Variants in CNTNAP2 observed in about 807,000 individuals in gnomAD.
CNTNAP2 encodes contactin-associated protein-like 2.
In CNTNAP2, 98 loss-of-function variants were observed where a neutral mutation model predicts 155.2. The ratio of observed to expected loss-of-function variants is 0.63; its 90% CI spans 0.54 to 0.75. The LOEUF (loss-of-function observed/expected upper bound fraction) is 0.75, where lower values mean the gene tolerates loss of function less well. Ranked by LOEUF, CNTNAP2 falls within the 30% of genes least tolerant of loss-of-function variation. The pLI is 0.00. For synonymous variants in CNTNAP2, 651 were observed against 631.2 expected, an observed-to-expected ratio of 1.03 and a Z score of -0.47; for missense variants, 1,727 against 1,688.1, an observed-to-expected ratio of 1.02 and a Z score of -0.40.
In CNTNAP2 at chr7:148,397,251, G is replaced by A. The variant is rs573979028; in HGVS notation, c.3716-12140G>A. On this transcript the variant is annotated intron_variant, in intron 22 of 23. Coordinates refer to ENST00000361727, the MANE Select transcript of CNTNAP2 (RefSeq NM_014141.6). ...CCTGGCTGCACATCAGTCACCTGGG[G>A]AGCTTTTCACAAATCCCAATGCCTG... 5.9e-5 allele frequency among the ~76,000 whole-genome samples: 9 copies of A among 152,334 alleles called. No individual in the cohort carries two copies. The South Asian group carries it at 1.9e-3, about 32-fold the overall frequency.
intron 13 of CNTNAP2, among the ~76,000 whole-genome samples, chr7:147,878,834 C>T (rs1346459359): frequency 4.6e-5 from 7 of 152,196 alleles, no homozygotes; most frequent in East Asian, 1.9e-4. Flanking sequence ...CAAACTGAAG[C>T]TTCTGGGCTC....
chr7:146,469,380 T>TA (rs571664470), intron 1 of CNTNAP2, among the ~76,000 whole-genome samples: 361 of 145,418 alleles, frequency 2.5e-3, no homozygotes, highest in African/African-American at 6.0e-3. Context: ...TTGGAAGCAT[T>TA]AAAAAAAAAA....
intron 11 of CNTNAP2, among the ~76,000 whole-genome samples, chr7:147,560,168 CAA>C (rs71183016): frequency 0.013 from 701 of 52,808 alleles, 15 homozygotes; most frequent in African/African-American, 0.044. Flanking sequence ...AACTCCGTCT[CAA>C]AAAAAAAAAA....
At chr7:147,347,500 ATGTGTG>A (rs1407391848) in intron 9 of CNTNAP2, among the ~76,000 whole-genome samples, 4 of 121,370 alleles carry the variant, frequency 3.3e-5, no homozygotes, top group African/African-American at 5.4e-5. Flanking sequence ...ATGCATATAT[ATGTGTG>A]TGTGTGTGTA....
chr7:147,382,432 A>T (rs1222352654), intron 9 of CNTNAP2, among the ~76,000 whole-genome samples: 1 of 152,210 alleles, frequency 6.6e-6, no homozygotes, highest in African/African-American at 2.4e-5. Context: ...AAGTGCCAGG[A>T]TCAACTCTTG....
At chr7:148,329,933 CCCGTCTGG>C (rs1797956301) in intron 21 of CNTNAP2, among the ~76,000 whole-genome samples, 1 of 152,226 alleles carries the variant, frequency 6.6e-6, no homozygotes, top group Non-Finnish European at 1.5e-5. Flanking sequence ...GGCCCTTACC[CCCGTCTGG>C]CCTGTTGGGC....
chr7:148,032,779 G>A (rs1339688125), intron 15 of CNTNAP2, among the ~76,000 whole-genome samples: 2 of 152,174 alleles, frequency 1.3e-5, no homozygotes, highest in Non-Finnish European at 2.9e-5. Flanking sequence ...CTGCTTGCCA[G>A]TTTTAGGGGT....
chr7:147,126,313 A>G (rs1338676089), intron 6 of CNTNAP2, among the ~76,000 whole-genome samples: 1 of 152,218 alleles, frequency 6.6e-6, no homozygotes, highest in African/African-American at 2.4e-5. Context: ...AGGCAAGGTT[A>G]TTGGATGGCA....
intron 1 of CNTNAP2, among the ~76,000 whole-genome samples, chr7:146,352,183 A>G (rs765961931): frequency 1.8e-4 from 27 of 152,328 alleles, no homozygotes; most frequent in Non-Finnish European, 3.2e-4. Context: ...GTTGTACACT[A>G]TTCATCTTGT....
chr7:147,826,787 C>G (rs1023465466), intron 13 of CNTNAP2, among the ~76,000 whole-genome samples: 7 of 152,090 alleles, frequency 4.6e-5, no homozygotes, highest in African/African-American at 1.7e-4. Flanking sequence ...CTAATAGTCA[C>G]AGGACAAAAG....
chr7:146,729,706 A>G (rs1801491513), intron 1 of CNTNAP2, among the ~76,000 whole-genome samples: 1 of 152,064 alleles, frequency 6.6e-6, no homozygotes, highest in Non-Finnish European at 1.5e-5. Context: ...CCATTATACC[A>G]GTTTGGTTGT....
chr7:148,145,544 C>G (rs148684976), intron 16 of CNTNAP2, among the ~76,000 whole-genome samples: 67 of 152,254 alleles, frequency 4.4e-4, no homozygotes, highest in Non-Finnish European at 7.5e-4. Flanking sequence ...GCAGTTGATG[C>G]CTTTAAAATG....
intron 1 of CNTNAP2, among the ~76,000 whole-genome samples, chr7:146,378,160 G>A (rs1795330690): frequency 6.6e-6 from 1 of 152,102 alleles, no homozygotes; most frequent in African/African-American, 2.4e-5. Flanking sequence ...ATGTTATGGA[G>A]GGCAATACAG....
chr7:148,217,339 C>T lies in CNTNAP2; in HGVS notation c.3062C>T (p.Ala1021Val), dbSNP rs1162286634. Reference sequence around the variant, plus strand: ...ATGTGGCTACGATATAACTTTCAGGCACCAGCAACAAATGCCAGAGACTCC... The same window carrying T: ...ATGTGGCTACGATATAACTTTCAGGTACCAGCAACAAATGCCAGAGACTCC... ...EGMWLRYNFQ[A>V]PATNARDSSS... The change falls in exon 19 of 24, where the codon GCA becomes GTA. Residue 1021 changes from alanine to valine, a missense_variant. Physicochemically the swap from Ala to Val is moderately conservative, Grantham distance 64 (BLOSUM62 0). Transcript: ENST00000361727. 6.2e-7 allele frequency: 1 copy of T among 1,614,110 alleles called. No homozygotes were observed. Among genetic ancestry groups the T allele is most frequent in the East Asian group, 2.2e-5 (1 of 44,878 alleles).
intron 8 of CNTNAP2, among the ~76,000 whole-genome samples, chr7:147,291,099 C>T (rs561699516): frequency 3.3e-5 from 5 of 152,208 alleles, no homozygotes; most frequent in African/African-American, 1.2e-4. Flanking sequence ...CTTGTGCCCA[C>T]CTTCCCATAG....
Position 147,738,835 on chromosome 7 carries a change from A to C in CNTNAP2, c.2098+99529A>C, listed in dbSNP as rs183613961. Among the ~76,000 whole-genome samples, 218 of 151,966 alleles carry C rather than the reference A, an allele frequency of 1.4e-3. 2 individuals are homozygous for C. The highest frequency in any genetic ancestry group is 4.9e-3 in the African/African-American group (205 of 41,458). ...GTGCACAGCTAATTTTTGTATTTTT[A>C]GTACAGACAGGGTTTCGCCATGATG... is the stretch of plus-strand genomic sequence containing the variant. On this transcript the variant is annotated intron_variant, in intron 13 of 23. Transcript: ENST00000361727.
intron 12 of CNTNAP2, among the ~76,000 whole-genome samples, chr7:147,637,017 G>A (rs1225042612): frequency 6.6e-6 from 1 of 152,088 alleles, no homozygotes; most frequent in Non-Finnish European, 1.5e-5. Context: ...AGGAATGAAA[G>A]GTCCATATGG....
chr7:147,698,655 G>A (rs1796194431), intron 13 of CNTNAP2, among the ~76,000 whole-genome samples: 1 of 152,032 alleles, frequency 6.6e-6, no homozygotes, highest in South Asian at 2.1e-4. Context: ...CTGAACCCCA[G>A]GCTCAAGTGA....
chr7:148,159,730 G>T (rs971052760), intron 17 of CNTNAP2, among the ~76,000 whole-genome samples: 1 of 152,152 alleles, frequency 6.6e-6, no homozygotes, highest in Non-Finnish European at 1.5e-5. Flanking sequence ...AGCACTGCTT[G>T]ACCTATCAGT....
Sources: allele counts gnomAD v4.1 joint callset (sites outside exome capture counted in the v4.1 genomes callset), GRCh38; gene constraint gnomAD v4.1.1; transcripts MANE v1.5; gene names NCBI Gene and HGNC (gene_info 2026-07-23, HGNC 2026-07-21).